Variants in PELI2 observed in about 807,000 individuals in gnomAD.
PELI2 encodes E3 ubiquitin-protein ligase pellino homolog 2.
PELI2 carries 23 observed loss-of-function variants against 42.3 expected under a neutral mutation model. That is an observed-to-expected ratio of 0.54 (90% CI 0.39 to 0.77). PELI2 has a LOEUF of 0.77. Among genes scored for constraint, PELI2 ranks in the 30% least tolerant of loss-of-function variants. The pLI is 0.00. For missense variants in PELI2, 463 were observed against 553.2 expected (o/e 0.84, Z 1.64); for synonymous variants, 245 against 212.2 (o/e 1.15, Z -1.34).
intron 2 of PELI2, among the ~76,000 whole-genome samples, chr14:56,275,551 C>T (rs553150843): frequency 3.3e-5 from 5 of 152,266 alleles, no homozygotes; most frequent in East Asian, 3.9e-4. Context: ...TCATAAGGAG[C>T]GCACAGTCTA....
At chr14:56,233,439 G>T (rs1047887042) in intron 2 of PELI2, among the ~76,000 whole-genome samples, 9 of 152,120 alleles carry the variant, frequency 5.9e-5, no homozygotes, top group South Asian at 2.1e-4. Context: ...AGAGCCCTCA[G>T]AAGTAATACC....
At chr14:56,206,231 A>C (rs1886513983) in intron 2 of PELI2, among the ~76,000 whole-genome samples, 1 of 152,226 alleles carries the variant, frequency 6.6e-6, no homozygotes, top group Admixed American at 6.5e-5. Flanking sequence ...ACTTGATCAA[A>C]AGAGATGTGT....
At chr14:56,184,513 G>A (rs1176123066) in intron 2 of PELI2, among the ~76,000 whole-genome samples, 1 of 151,930 alleles carries the variant, frequency 6.6e-6, no homozygotes, top group Non-Finnish European at 1.5e-5. Context: ...CTGAGAACTT[G>A]GCTAATTGTT....
chr14:56,172,903 A>G lies in PELI2; in HGVS notation c.78-5432A>G, dbSNP rs561614799. ...TTGAAATTCTTTGGTCTTTGGCGAT[A>G]TAACTTTTTCCTGGTCCTGGTCCTT... is the stretch of plus-strand genomic sequence containing the variant. On this transcript the variant is annotated intron_variant, in intron 1 of 5. Coordinates refer to ENST00000267460, the MANE Select transcript of PELI2 (RefSeq NM_021255.3). Among the ~76,000 whole-genome samples, 10 of 152,338 alleles carry G rather than the reference A, an allele frequency of 6.6e-5. No individual in the cohort carries two copies. The South Asian group carries it at 2.1e-3, about 32-fold the overall frequency.
intron 2 of PELI2, among the ~76,000 whole-genome samples, chr14:56,202,685 T>G (rs544412306): frequency 1.2e-4 from 19 of 152,268 alleles, no homozygotes; most frequent in African/African-American, 4.6e-4. Context: ...ATGATTGAAT[T>G]GGGGCAAGGC....
chr14:56,248,014 G>A (rs1296189928), intron 2 of PELI2, among the ~76,000 whole-genome samples: 2 of 152,328 alleles, frequency 1.3e-5, no homozygotes, highest in South Asian at 2.1e-4. Flanking sequence ...AAGTGTCAGT[G>A]CTATTTTGAT....
In PELI2 at chr14:56,288,833, AT is replaced by A. The variant is rs1889728810; in HGVS notation, c.507+205del. The stretch of plus-strand genomic sequence containing the variant: ...ATAAGCATTGCTTGTTATTCATTAT[AT>A]TTTTTATATTGTAATATTTACAGTA... On this transcript the variant is annotated intron_variant, in intron 4 of 5. Coordinates refer to ENST00000267460, the MANE Select transcript of PELI2 (RefSeq NM_021255.3). This position sits in a 1 kb window ranked among gnomAD's most constrained non-coding sequence, Gnocchi z 4.6. Among the ~76,000 whole-genome samples, 2 of 152,088 alleles carry A rather than the reference AT, an allele frequency of 1.3e-5. No homozygotes were observed. The highest frequency in any genetic ancestry group is 2.4e-5 in the African/African-American group (1 of 41,404).
intron 2 of PELI2, among the ~76,000 whole-genome samples, chr14:56,198,511 G>T (rs1886221587): frequency 6.6e-6 from 1 of 152,186 alleles, no homozygotes; most frequent in Non-Finnish European, 1.5e-5. Context: ...CGACTTAAAG[G>T]AAGGGACTTA....
In PELI2 at chr14:56,301,150, T is replaced by C. The variant is rs1028858026; in HGVS notation, c.*3984T>C. On this transcript the variant is annotated 3_prime_UTR_variant, in exon 6 of 6. Coordinates refer to ENST00000267460, the MANE Select transcript of PELI2 (RefSeq NM_021255.3). ...GTCACATTTACCATGTATTGTGTTATTAGCAGTTAAATTTTATGAATATGT... is the reference window on the plus strand; with the variant it reads ...GTCACATTTACCATGTATTGTGTTACTAGCAGTTAAATTTTATGAATATGT... 6.5e-6 allele frequency: 1 copy of C among 152,690 alleles called. No individual in the cohort carries two copies. Among genetic ancestry groups the C allele is most frequent in the Non-Finnish European group, 1.5e-5 (1 of 68,044 alleles). The allele number at this position is 152,690 out of a possible 1,614,324, so 9.5% of individuals were successfully genotyped here.
rs571505182 is a variant in PELI2 at position 56,221,853 on chromosome 14, A to G, written c.207+43389A>G. ...CCTTTTGTGTGAAAGAGGGATAACA[A>G]CCCTCAACTGGGAGAATACTGATGA... On this transcript the variant is annotated intron_variant, in intron 2 of 5. Coordinates refer to ENST00000267460, the MANE Select transcript of PELI2 (RefSeq NM_021255.3). Among the ~76,000 whole-genome samples, 15 of 152,300 alleles carry G rather than the reference A, an allele frequency of 9.8e-5. No homozygotes were observed. In the South Asian group the frequency reaches 2.7e-3, roughly 27 times the overall value.
chr14:56,144,838 A>T (rs1057389957), intron 1 of PELI2: 7 of 285,544 alleles, frequency 2.5e-5, no homozygotes, highest in Non-Finnish European at 3.7e-5. Flanking sequence ...CTTACCCTGT[A>T]ATCTCAGCAC....
intron 3 of PELI2, among the ~76,000 whole-genome samples, chr14:56,281,043 T>A (rs1889466173): frequency 6.6e-6 from 1 of 152,132 alleles, no homozygotes; most frequent in Non-Finnish European, 1.5e-5. Context: ...CTGTAAAACA[T>A]TGTATGGAAT....
chr14:56,227,593 T>C lies in PELI2; in HGVS notation c.207+49129T>C, dbSNP rs1887404334. ...AAGTATAGATGCAAATATGAATATA[T>C]GTGTACATAGCTATAGACTTACATG... On this transcript the variant is annotated intron_variant, in intron 2 of 5. Coordinates refer to ENST00000267460, the MANE Select transcript of PELI2 (RefSeq NM_021255.3). 2.7e-5 allele frequency among the ~76,000 whole-genome samples: 4 copies of C among 149,854 alleles called. No individual in the cohort carries two copies. In the South Asian group the frequency reaches 8.8e-4, roughly 33 times the overall value.
chr14:56,128,821 A>C (rs1883376720), intron 1 of PELI2, among the ~76,000 whole-genome samples: 1 of 151,768 alleles, frequency 6.6e-6, no homozygotes, highest in African/African-American at 2.4e-5. Flanking sequence ...CTTTAAGCAA[A>C]CCTGGCAAGG....
At chr14:56,126,104 T>C (rs550542263) in intron 1 of PELI2, among the ~76,000 whole-genome samples, 152 of 152,342 alleles carry the variant, frequency 1.0e-3, no homozygotes, top group Non-Finnish European at 8.8e-5. Context: ...TGTTTGTTTT[T>C]CTTTTTGTCA....
At chr14:56,123,185 T>C (rs991592492) in intron 1 of PELI2, among the ~76,000 whole-genome samples, 1 of 152,022 alleles carries the variant, frequency 6.6e-6, no homozygotes, top group East Asian at 1.9e-4. Flanking sequence ...GTCTTTTTTT[T>C]TTTTTTAAAA....
intron 2 of PELI2, among the ~76,000 whole-genome samples, chr14:56,264,643 A>G (rs1439937816): frequency 6.6e-6 from 1 of 152,192 alleles, no homozygotes; most frequent in Non-Finnish European, 1.5e-5. Context: ...TTATGGTCAC[A>G]TTACCCAGGG....
intron 2 of PELI2, among the ~76,000 whole-genome samples, chr14:56,233,178 C>T (rs897914004): frequency 1.3e-5 from 2 of 152,216 alleles, no homozygotes; most frequent in Non-Finnish European, 2.9e-5. Context: ...GCCATACTGC[C>T]CAAGGTAATT....
intron 1 of PELI2, among the ~76,000 whole-genome samples, chr14:56,169,354 T>A (rs1344182194): frequency 6.6e-6 from 1 of 152,184 alleles, no homozygotes; most frequent in Non-Finnish European, 1.5e-5. Context: ...TGGTGAGGTT[T>A]GCGGGGACTC....
Sources: gnomAD v4.1 joint callset for allele counts (sites outside exome capture counted in the v4.1 genomes callset) on GRCh38, gnomAD v4.1.1 for gene constraint, Gnocchi (gnomAD v3.1) non-coding constraint, MANE v1.5 for transcripts, NCBI Gene and HGNC (gene_info 2026-07-23, HGNC 2026-07-21) for gene names.